The following ERC2 variants were observed in gnomAD, a reference collection of about 807,000 sequenced individuals.
The protein encoded by ERC2 is ELKS/RAB6-interacting/CAST family member 2, also known as ERC protein 2.
ERC2 carries 42 observed loss-of-function variants against 114.8 expected under a neutral mutation model. The observed-to-expected ratio is 0.37, with a 90% confidence interval of 0.29 to 0.47. The LOEUF is 0.47. Among genes scored for constraint, ERC2 ranks in the 20% least tolerant of loss-of-function variants. The pLI is 0.99. For missense variants in ERC2, 939 were observed against 1,150.7 expected, an observed-to-expected ratio of 0.82 and a Z score of 2.66; for synonymous variants, 454 against 425.5, an observed-to-expected ratio of 1.07 and a Z score of -0.82.
chr3:55,661,925 A>T (rs528199874), intron 17 of ERC2, among the ~76,000 whole-genome samples: 1 of 152,178 alleles, frequency 6.6e-6, no homozygotes, highest in South Asian at 2.1e-4. Context: ...ATTCCCTTAG[A>T]TTTTCCCTTT....
At chr3:56,264,782 T>A (rs1380326483) in intron 3 of ERC2, among the ~76,000 whole-genome samples, 1 of 129,312 alleles carries the variant, frequency 7.7e-6, no homozygotes. Context: ...AAAATCAACA[T>A]ACAAAAACCA....
intron 1 of ERC2, among the ~76,000 whole-genome samples, chr3:56,452,016 A>C (rs1303890251): frequency 1.3e-5 from 2 of 152,216 alleles, no homozygotes; most frequent in East Asian, 3.8e-4. Flanking sequence ...TAACCTGGAC[A>C]AGAACTAAGG....
chr3:56,372,227 G>A (rs751039682), intron 2 of ERC2, among the ~76,000 whole-genome samples: 3 of 152,144 alleles, frequency 2.0e-5, no homozygotes, highest in African/African-American at 7.2e-5. Flanking sequence ...AAATTATATT[G>A]ATTAACATTA....
At chr3:55,578,214 C>T (rs938706365) in intron 17 of ERC2, among the ~76,000 whole-genome samples, 2 of 152,232 alleles carry the variant, frequency 1.3e-5, no homozygotes, top group Non-Finnish European at 2.9e-5. Context: ...GTTAAAAATG[C>T]AATGCCACCC....
chr3:55,929,653 T>C (rs1011228376), intron 13 of ERC2, among the ~76,000 whole-genome samples: 3 of 152,230 alleles, frequency 2.0e-5, no homozygotes, highest in Admixed American at 6.5e-5. Context: ...AAATCACGTG[T>C]CTGACTGTAA....
rs559718536 is a variant in ERC2 at position 56,243,482 on chromosome 3, G to A, written c.1074+52537C>T. On this transcript the variant is annotated intron_variant, in intron 3 of 17. Coordinates refer to ENST00000288221, the MANE Select transcript of ERC2 (RefSeq NM_015576.3). ...GGGCAATAGAAGGATGTACAGTCACGGCTCCTTACCTGAAGCCATATACAG... is the reference window on the plus strand; with the variant it reads ...GGGCAATAGAAGGATGTACAGTCACAGCTCCTTACCTGAAGCCATATACAG... Among the ~76,000 whole-genome samples the A allele has an allele frequency of 9.9e-4, 150 of 152,262 alleles. 1 individual carries two copies. The highest frequency in any genetic ancestry group is 3.4e-3 in the African/African-American group (141 of 41,556).
chr3:55,537,239 A>G (rs2054056402), intron 17 of ERC2, among the ~76,000 whole-genome samples: 1 of 152,218 alleles, frequency 6.6e-6, no homozygotes, highest in South Asian at 2.1e-4. Context: ...GCCACAAGCA[A>G]TCAATGTCTG....
At chr3:56,424,841 G>C (rs2061505889) in intron 2 of ERC2, among the ~76,000 whole-genome samples, 1 of 152,148 alleles carries the variant, frequency 6.6e-6, no homozygotes, top group Non-Finnish European at 1.5e-5. Flanking sequence ...AAGGTATGTT[G>C]TGGTGCTAAA....
chr3:56,412,029 G>A (rs973886275), intron 2 of ERC2, among the ~76,000 whole-genome samples: 2 of 152,130 alleles, frequency 1.3e-5, no homozygotes, highest in African/African-American at 2.4e-5. Flanking sequence ...AGATATAATC[G>A]AAGTTAAAGA....
chr3:55,745,882 G>C (rs1338009593), intron 14 of ERC2, among the ~76,000 whole-genome samples: 1 of 152,162 alleles, frequency 6.6e-6, no homozygotes. Flanking sequence ...TTGGTGAAGT[G>C]AGGTTATGTG....
intron 17 of ERC2, among the ~76,000 whole-genome samples, chr3:55,628,940 G>A (rs77837000): frequency 0.014 from 1,112 of 77,538 alleles, 11 homozygotes; most frequent in African/African-American, 0.046. Flanking sequence ...CCGAAATCTG[G>A]ACACCAAGAA....
intron 15 of ERC2, among the ~76,000 whole-genome samples, chr3:55,726,921 TCTAA>T (rs1289423840): frequency 6.6e-6 from 1 of 152,146 alleles, no homozygotes; most frequent in African/African-American, 2.4e-5. Context: ...TCAAAAATAG[TCTAA>T]CTAGTTCTGA....
intron 17 of ERC2, among the ~76,000 whole-genome samples, chr3:55,543,575 T>G (rs1313323221): frequency 6.6e-6 from 1 of 152,140 alleles, no homozygotes; most frequent in East Asian, 1.9e-4. Context: ...AGATGGTTCA[T>G]GCAGATGACA....
chr3:55,876,390 C>G (rs1453444538), intron 14 of ERC2, among the ~76,000 whole-genome samples: 2 of 152,178 alleles, frequency 1.3e-5, no homozygotes, highest in Non-Finnish European at 2.9e-5. Flanking sequence ...CAGTTTGTTT[C>G]CCTTGGATGC....
chr3:55,792,940 T>C (rs1559662790), intron 14 of ERC2, among the ~76,000 whole-genome samples: 3 of 152,208 alleles, frequency 2.0e-5, no homozygotes, highest in African/African-American at 7.2e-5. Flanking sequence ...GCAGAAATTA[T>C]TGTGTTTCCT....
intron 4 of ERC2, among the ~76,000 whole-genome samples, chr3:56,168,339 T>C (rs2082433617): frequency 6.6e-6 from 1 of 152,180 alleles, no homozygotes; most frequent in Non-Finnish European, 1.5e-5. Flanking sequence ...GTTATTGTTT[T>C]TAATAGCCAC....
chr3:56,395,909 T>C (rs1282824142), intron 2 of ERC2, among the ~76,000 whole-genome samples: 1 of 152,210 alleles, frequency 6.6e-6, no homozygotes, highest in Non-Finnish European at 1.5e-5. Flanking sequence ...AGTGGGTTAG[T>C]ATCTCCCTTT....
intron 2 of ERC2, among the ~76,000 whole-genome samples, chr3:56,381,847 A>T (rs1206566548): frequency 6.6e-6 from 1 of 152,110 alleles, no homozygotes; most frequent in Non-Finnish European, 1.5e-5. Flanking sequence ...TATATCCCAG[A>T]ATCTGAAATT....
At chr3:56,132,424 A>C (rs773520272) in intron 6 of ERC2, among the ~76,000 whole-genome samples, 2 of 152,214 alleles carry the variant, frequency 1.3e-5, no homozygotes, top group Non-Finnish European at 2.9e-5. Context: ...CAGAGACAGA[A>C]AAATGCTGCC....
Sources: gnomAD v4.1 joint callset for allele counts (sites outside exome capture counted in the v4.1 genomes callset) on GRCh38, gnomAD v4.1.1 for gene constraint, MANE v1.5 for transcripts, NCBI Gene and HGNC (gene_info 2026-07-23, HGNC 2026-07-21) for gene names.